The following CHL1 variants were observed in gnomAD, a reference collection of about 807,000 sequenced individuals.
CHL1 encodes neural cell adhesion molecule L1-like protein.
CHL1 carries 96 observed loss-of-function variants against 141.9 expected under a neutral mutation model. The observed-to-expected ratio is 0.68, with a 90% CI of 0.57 to 0.80. The LOEUF (loss-of-function observed/expected upper bound fraction) is 0.80, where lower values mean the gene tolerates loss of function less well. Among genes scored for constraint, CHL1 ranks in the 30% least tolerant of loss-of-function variants. The pLI is 0.00. For synonymous variants in CHL1, 613 were observed against 502.2 expected (o/e 1.22, Z -2.95); for missense variants, 1,820 against 1,457.2 (o/e 1.25, Z -4.05).
At chr3:294,835 C>T (rs1698039417) in intron 2 of CHL1, among the ~76,000 whole-genome samples, 1 of 152,114 alleles carries the variant, frequency 6.6e-6, no homozygotes, top group Admixed American at 6.5e-5. Flanking sequence ...GAATGCATGG[C>T]AATACATGCC....
intron 14 of CHL1, among the ~76,000 whole-genome samples, 167 bp from the exon 15 acceptor site, chr3:365,783 G>C (rs1295144198): frequency 6.6e-6 from 1 of 152,138 alleles, no homozygotes; most frequent in East Asian, 1.9e-4. Context: ...AAGCCTGGAT[G>C]GAAAGAAAAT....
Position 259,447 on chromosome 3 carries a change from A to G in CHL1, c.-95+14755A>G, listed in dbSNP as rs79601149. Among the ~76,000 whole-genome samples the G allele has an allele frequency of 5.3e-5, 8 of 152,272 alleles. No homozygotes were observed. In the East Asian group the frequency reaches 1.2e-3, roughly 22 times the overall value. On this transcript the variant is annotated intron_variant, in intron 2 of 27. Transcript: ENST00000256509. ...ATATGAAGTGTCTGACCCCAAGTTCAAGCTGAGAAGCTAGGCATCAATTTT... is the reference window on the plus strand; with the variant it reads ...ATATGAAGTGTCTGACCCCAAGTTCGAGCTGAGAAGCTAGGCATCAATTTT...
At chr3:294,178 G>A (rs1449652466) in intron 2 of CHL1, among the ~76,000 whole-genome samples, 1 of 152,006 alleles carries the variant, frequency 6.6e-6, no homozygotes, top group African/African-American at 2.4e-5. Context: ...AATTAGCTGG[G>A]TGTGGTGGCA....
intron 1 of CHL1, among the ~76,000 whole-genome samples, chr3:228,638 A>G (rs1382362896): frequency 6.6e-6 from 1 of 152,192 alleles, no homozygotes; most frequent in African/African-American, 2.4e-5. Flanking sequence ...CATGGTATAG[A>G]GTGTGTTATC....
At position 229,077 on chromosome 3, in the gene CHL1, G is replaced by A. The variant is rs180811485; in HGVS notation, c.-174-15536G>A. Among the ~76,000 whole-genome samples, 27 of 152,266 alleles carry A rather than the reference G, an allele frequency of 1.8e-4. No individual in the cohort carries two copies. The East Asian group carries it at 4.8e-3, about 27-fold the overall frequency. Reference sequence around the variant, plus strand: ...TACACAGGATTAATTGTGTAATTTTGCAAGCAACCAGCACAGTGAACACTG... The same window carrying A: ...TACACAGGATTAATTGTGTAATTTTACAAGCAACCAGCACAGTGAACACTG... On this transcript the variant is annotated intron_variant, in intron 1 of 27. Coordinates refer to ENST00000256509, the MANE Select transcript of CHL1 (RefSeq NM_006614.4).
intron 2 of CHL1, among the ~76,000 whole-genome samples, chr3:271,756 A>G (rs1191486209): frequency 6.6e-6 from 1 of 152,186 alleles, no homozygotes; most frequent in East Asian, 1.9e-4. Flanking sequence ...AACCACAGAG[A>G]GAGGAAGGGG....
At chr3:287,141 C>T (rs1230063812) in intron 2 of CHL1, among the ~76,000 whole-genome samples, 6 of 152,064 alleles carry the variant, frequency 3.9e-5, no homozygotes, top group African/African-American at 7.2e-5. Context: ...CTGGTTCAAA[C>T]GCCTCTGACA....
At chr3:315,231 A>G (rs531211308) in intron 2 of CHL1, among the ~76,000 whole-genome samples, 3 of 152,298 alleles carry the variant, frequency 2.0e-5, no homozygotes, top group African/African-American at 7.2e-5. Flanking sequence ...TACAGCAGCA[A>G]CTATCACCCC....
intron 1 of CHL1, among the ~76,000 whole-genome samples, chr3:238,284 C>T (rs1692191473): frequency 6.6e-6 from 1 of 151,974 alleles, no homozygotes; most frequent in South Asian, 2.1e-4. Flanking sequence ...ATTTTCAATC[C>T]CAGTTTCTTA....
intron 1 of CHL1, chr3:213,746 A>C (rs1439616276): frequency 1.3e-5 from 2 of 152,244 alleles, no homozygotes; most frequent in Admixed American, 1.3e-4. Flanking sequence ...AAAGCAAAGA[A>C]GAGATTGCAT....
Position 325,925 on chromosome 3 carries a change from T to C in CHL1, c.92-34T>C, listed in dbSNP as rs375362026. On this transcript the variant is annotated intron_variant, in intron 3 of 27. Transcript: ENST00000256509. Reference sequence around the variant, plus strand: ...AGATTAACCTTGCCTGCTGTTTGAATAGTGTGTTTTTAAGTACATATTTTA... The same window carrying C: ...AGATTAACCTTGCCTGCTGTTTGAACAGTGTGTTTTTAAGTACATATTTTA... The C allele has an allele frequency of 3.2e-5, 45 of 1,426,870 alleles. No homozygotes were observed. In the African/African-American group the frequency reaches 4.5e-4, roughly 14 times the overall value. The allele number at this position is 1,426,870 out of a possible 1,614,324, so 88.4% of individuals were successfully genotyped here.
At chr3:219,976 G>A (rs1700685387) in intron 1 of CHL1, among the ~76,000 whole-genome samples, 1 of 152,180 alleles carries the variant, frequency 6.6e-6, no homozygotes, top group Admixed American at 6.5e-5. Flanking sequence ...CTACATCATT[G>A]AATAATACTT....
chr3:393,005 T>C (rs1390725153), intron 23 of CHL1, among the ~76,000 whole-genome samples: 1 of 152,016 alleles, frequency 6.6e-6, no homozygotes, highest in Admixed American at 6.6e-5. Context: ...AGGCCGAGGC[T>C]GGTGGATCAC....
At chr3:334,421 T>C (rs1217739023) in intron 5 of CHL1, among the ~76,000 whole-genome samples, 1 of 152,200 alleles carries the variant, frequency 6.6e-6, no homozygotes, top group African/African-American at 2.4e-5. Context: ...AGATTTCTTG[T>C]GCCCATTTGC....
At chr3:233,005 C>CA (rs1559308658) in intron 1 of CHL1, among the ~76,000 whole-genome samples, 2 of 146,192 alleles carry the variant, frequency 1.4e-5, no homozygotes, top group African/African-American at 2.5e-5. Context: ...TTCTTTCCTC[C>CA]TTTTTTTTTT....
At chr3:271,738 T>G (rs1695652987) in intron 2 of CHL1, among the ~76,000 whole-genome samples, 1 of 152,154 alleles carries the variant, frequency 6.6e-6, no homozygotes, top group Non-Finnish European at 1.5e-5. Context: ...GAAAAATAGA[T>G]TCAGAGAAAC....
intron 24 of CHL1, among the ~76,000 whole-genome samples, chr3:397,903 A>G (rs746686569): frequency 3.3e-5 from 5 of 152,286 alleles, no homozygotes; most frequent in African/African-American, 7.2e-5. Flanking sequence ...GTTTCGCATT[A>G]GGTTTGCGAA....
intron 2 of CHL1, among the ~76,000 whole-genome samples, chr3:315,795 A>G (rs77925234): frequency 0.015 from 2,296 of 152,150 alleles, 55 homozygotes; most frequent in African/African-American, 0.05. Context: ...CCTGGGGTTC[A>G]TTGTCTCATG....
chr3:307,257 T>A (rs987450534), intron 2 of CHL1, among the ~76,000 whole-genome samples: 1 of 152,180 alleles, frequency 6.6e-6, no homozygotes, highest in Non-Finnish European at 1.5e-5. Flanking sequence ...CAAACAAATA[T>A]GTATTAGCCA....
Sources: gnomAD v4.1 joint callset for allele counts (sites outside exome capture counted in the v4.1 genomes callset) on GRCh38, gnomAD v4.1.1 for gene constraint, MANE v1.5 for transcripts, NCBI Gene and HGNC (gene_info 2026-07-23, HGNC 2026-07-21) for gene names.